Variants in NHSL2 observed in about 807,000 individuals in gnomAD.
NHSL2 encodes the protein NHS-like protein 2.
A neutral mutation model predicts 53.4 loss-of-function variants in NHSL2; 27 were observed. The observed-to-expected ratio is 0.51, with a 90% confidence interval of 0.37 to 0.70. The LOEUF (loss-of-function observed/expected upper bound fraction) is 0.70, where lower values mean the gene tolerates loss of function less well. Ranked by LOEUF, NHSL2 falls within the 30% of genes least tolerant of loss-of-function variation. NHSL2 has a pLI of 0.00. For missense variants in NHSL2, 892 were observed against 980.1 expected (o/e 0.91, Z 1.20); for synonymous variants, 408 against 404.1 (o/e 1.01, Z -0.12).
intron 1 of NHSL2, among the ~76,000 whole-genome samples, chrX:71,970,845 C>T (rs1427446295): frequency 2.7e-5 from 3 of 111,282 alleles, no homozygotes; most frequent in Non-Finnish European, 1.9e-5. Flanking sequence ...TGCAGTGGTG[C>T]AGTCATTGCT....
At chrX:72,101,862 G>A (rs929745540) in intron 1 of NHSL2, among the ~76,000 whole-genome samples, 3 of 111,780 alleles carry the variant, frequency 2.7e-5, no homozygotes, top group Non-Finnish European at 3.8e-5. Context: ...GGTCACACAA[G>A]CTGTGGCCTC....
At chrX:72,084,504 T>G (rs1322178399) in intron 1 of NHSL2, among the ~76,000 whole-genome samples, 1 of 112,219 alleles carries the variant, frequency 8.9e-6, no homozygotes, top group Non-Finnish European at 1.9e-5. Context: ...TGGAGCTGGG[T>G]TGGTCCTTTA....
intron 1 of NHSL2, chrX:72,129,804 T>C: frequency 8.5e-7 from 1 of 1,170,853 alleles, no homozygotes; most frequent in Non-Finnish European, 1.1e-6. Flanking sequence ...GAAGGGTGTG[T>C]TCTGGGTGGC....
At chrX:71,970,743 T>G in intron 1 of NHSL2, among the ~76,000 whole-genome samples, 1 of 111,052 alleles carries the variant, frequency 9.0e-6, no homozygotes, top group East Asian at 2.8e-4. Flanking sequence ...TGCTTTGAAT[T>G]TAGTTTGCTT....
intron 1 of NHSL2, among the ~76,000 whole-genome samples, chrX:71,921,312 C>G (rs1405988243): frequency 9.4e-6 from 1 of 106,525 alleles, no homozygotes; most frequent in African/African-American, 3.4e-5. Context: ...CCCAGCTACT[C>G]AGGAGGCTGA....
intron 1 of NHSL2, among the ~76,000 whole-genome samples, chrX:72,021,385 C>T (rs1471090957): frequency 8.9e-6 from 1 of 112,140 alleles, no homozygotes; most frequent in Non-Finnish European, 1.9e-5. Context: ...ATTCTTGTTA[C>T]CCAAATCCAA....
chrX:72,019,077 T>C (rs1283807153), intron 1 of NHSL2, among the ~76,000 whole-genome samples: 2 of 112,307 alleles, frequency 1.8e-5, no homozygotes, highest in Non-Finnish European at 3.8e-5. Flanking sequence ...AGAGAGGATC[T>C]GTGATAGGAT....
At chrX:71,919,208 G>A (rs140771398) in intron 1 of NHSL2, among the ~76,000 whole-genome samples, 3,563 of 111,960 alleles carry the variant, frequency 0.032, 57 homozygotes, top group Non-Finnish European at 0.05. Flanking sequence ...TAAGGAAAAG[G>A]ATCTTTGGAT....
chrX:72,116,133 G>A (rs1181195467), intron 1 of NHSL2, among the ~76,000 whole-genome samples: 1 of 111,810 alleles, frequency 8.9e-6, no homozygotes, highest in East Asian at 2.8e-4. Context: ...TTCTTCATCT[G>A]TAAAATGAGG....
intron 1 of NHSL2, among the ~76,000 whole-genome samples, chrX:72,052,270 A>T (rs2042344864): frequency 8.9e-6 from 1 of 112,127 alleles, no homozygotes; most frequent in Non-Finnish European, 1.9e-5. Flanking sequence ...TGCCCTCCTC[A>T]GTCCTCCGAG....
intron 2 of NHSL2, chrX:72,133,881 T>G (rs1157889735): frequency 2.7e-6 from 1 of 374,939 alleles, no homozygotes; most frequent in Non-Finnish European, 4.6e-6. Flanking sequence ...ATGAATTTAT[T>G]GACTTTCTCT....
chrX:72,070,174 C>T (rs1306844718), intron 1 of NHSL2, among the ~76,000 whole-genome samples: 1 of 108,875 alleles, frequency 9.2e-6, no homozygotes, highest in African/African-American at 3.4e-5. Flanking sequence ...CCCCAGCCCC[C>T]ATACCCGCCC....
intron 1 of NHSL2, among the ~76,000 whole-genome samples, chrX:71,956,942 G>A (rs769970370): frequency 1.8e-5 from 2 of 111,426 alleles, no homozygotes; most frequent in African/African-American, 3.3e-5. Context: ...TCAGATCTCT[G>A]GTAGGTAAGG....
At position 72,138,530 on chromosome X, in the gene NHSL2, A is replaced by G; in HGVS notation, c.982A>G (p.Arg328Gly). 1.7e-6 allele frequency: 2 copies of G among 1,166,363 alleles called. No individual in the cohort carries two copies. Among genetic ancestry groups the G allele is most frequent in the Non-Finnish European group, 2.3e-6 (2 of 871,686 alleles). ...CTCAGTTCCAGAAGGGGTTCATGGA[A>G]GAGTTGCAGTTGGTCAGGATGCTCG... is the stretch of plus-strand genomic sequence containing the variant. ...SHSVPEGVHG[R>G]VAVGQDARFP... Residue 328 changes from arginine to glycine, a missense_variant, in exon 6 of 8, where the codon AGA (arginine) becomes GGA (glycine). Arg to Gly is a moderately radical substitution (Grantham distance 125). Coordinates refer to ENST00000633930, the MANE Select transcript of NHSL2 (RefSeq NM_001013627.3).
chrX:71,933,625 G>A (rs1280934944), intron 1 of NHSL2, among the ~76,000 whole-genome samples: 1 of 111,815 alleles, frequency 8.9e-6, no homozygotes, highest in Non-Finnish European at 1.9e-5. Context: ...GTGTCTCTAA[G>A]TGGACATAAA....
intron 1 of NHSL2, among the ~76,000 whole-genome samples, chrX:71,969,426 C>T (rs2041916065): frequency 9.2e-6 from 1 of 108,177 alleles, no homozygotes; most frequent in Non-Finnish European, 1.9e-5. Flanking sequence ...GATTCTCCTG[C>T]TTCAGCCTCC....
chrX:72,025,327 A>G (rs758877744), intron 1 of NHSL2, among the ~76,000 whole-genome samples: 1 of 112,749 alleles, frequency 8.9e-6, no homozygotes, highest in Non-Finnish European at 1.9e-5. Flanking sequence ...AGGCATGACA[A>G]AGGGGTCCAC....
At position 71,914,006 on chromosome X, in the gene NHSL2, G is replaced by T. The variant is rs5991879; in HGVS notation, c.280+2639G>T. Among the ~76,000 whole-genome samples the T allele has an allele frequency of 2.6e-3, 290 of 112,793 alleles. 2 individuals are homozygous for T. Among genetic ancestry groups the T allele is most frequent in the African/African-American group, 8.9e-3 (278 of 31,083 alleles). On this transcript the variant is annotated intron_variant, in intron 1 of 7. Coordinates refer to ENST00000633930, the MANE Select transcript of NHSL2 (RefSeq NM_001013627.3). ...CAACATCCCACCCACTCCACTGAAG[G>T]CTGTTCTTTGGTAACATGAACCCCT... is the stretch of plus-strand genomic sequence containing the variant.
At chrX:72,105,412 G>A (rs187044597) in intron 1 of NHSL2, among the ~76,000 whole-genome samples, 2 of 111,420 alleles carry the variant, frequency 1.8e-5, no homozygotes, top group East Asian at 5.7e-4. Flanking sequence ...CCAGGGACAG[G>A]GAGTCAGGAC....
Sources: gnomAD v4.1 joint callset for allele counts (sites outside exome capture counted in the v4.1 genomes callset) on GRCh38, gnomAD v4.1.1 for gene constraint, MANE v1.5 for transcripts, NCBI Gene and HGNC (gene_info 2026-07-23, HGNC 2026-07-21) for gene names.